Variants in POLA1 observed in about 807,000 individuals in gnomAD.
The protein encoded by POLA1 is DNA polymerase alpha catalytic subunit.
A neutral mutation model predicts 124.0 loss-of-function variants in POLA1; 15 were observed. The observed-to-expected ratio is 0.12, with a 90% CI of 0.08 to 0.19. The LOEUF is 0.19. Ranked by LOEUF, POLA1 falls within the 10% of genes least tolerant of loss-of-function variation. POLA1 has a pLI of 1.00. For missense variants in POLA1, 886 were observed against 1,103.4 expected (o/e 0.80, Z 2.79); for synonymous variants, 408 against 389.4 (o/e 1.05, Z -0.56).
chrX:24,722,950 A>G (rs747353043), intron 10 of POLA1, among the ~76,000 whole-genome samples: 17 of 112,260 alleles, frequency 1.5e-4, no homozygotes, highest in Non-Finnish European at 3.0e-4. Context: ...GTGGTCATAC[A>G]CTGTATCATT....
intron 2 of POLA1, among the ~76,000 whole-genome samples, chrX:24,702,747 T>A (rs773302852): frequency 2.2e-4 from 25 of 112,383 alleles, no homozygotes; most frequent in Non-Finnish European, 4.3e-4. Context: ...TTTTGCTAAT[T>A]TTTGGAAGGG....
intron 26 of POLA1, among the ~76,000 whole-genome samples, chrX:24,763,028 A>G (rs931146223): frequency 5.4e-5 from 6 of 111,452 alleles, no homozygotes; most frequent in Non-Finnish European, 1.1e-4. Flanking sequence ...ATGAGCCACC[A>G]CGCCCGGCCA....
intron 32 of POLA1, among the ~76,000 whole-genome samples, chrX:24,835,873 A>C (rs1480398581): frequency 8.9e-6 from 1 of 112,160 alleles, no homozygotes; most frequent in African/African-American, 3.2e-5. Flanking sequence ...AAATATTTAG[A>C]ATGCAATTTT....
intron 35 of POLA1, among the ~76,000 whole-genome samples, chrX:24,906,117 A>G (rs1429905378): frequency 1.8e-5 from 2 of 112,165 alleles, no homozygotes; most frequent in Admixed American, 9.4e-5. Flanking sequence ...TAAAGAACTA[A>G]AAGTATAATA....
intron 20 of POLA1, among the ~76,000 whole-genome samples, chrX:24,740,637 T>C (rs2148390161): frequency 8.9e-6 from 1 of 111,881 alleles, no homozygotes; most frequent in East Asian, 2.8e-4. Flanking sequence ...CCTTATCTCG[T>C]ACTGCTCTTT....
chrX:24,854,616 C>T (rs750142584), intron 34 of POLA1, among the ~76,000 whole-genome samples: 19 of 110,978 alleles, frequency 1.7e-4, no homozygotes, highest in Non-Finnish European at 3.0e-4. Context: ...GATCACCTCA[C>T]GTCAGGGGTT....
chrX:24,709,238 G>A (rs1276294293), intron 4 of POLA1, among the ~76,000 whole-genome samples: 5 of 100,402 alleles, frequency 5.0e-5, no homozygotes, highest in Admixed American at 2.0e-4. Context: ...TGGCCGGGCG[G>A]GGGGCTGACC....
intron 29 of POLA1, 52 bp downstream of exon 29, chrX:24,812,915 G>C (rs763282761): frequency 1.3e-6 from 1 of 757,092 alleles, no homozygotes; most frequent in Non-Finnish European, 2.0e-6. Flanking sequence ...AAAAATTCAG[G>C]TGTGAATGAT....
intron 36 of POLA1, among the ~76,000 whole-genome samples, chrX:24,978,757 A>C (rs1435037831): frequency 8.9e-6 from 1 of 111,885 alleles, no homozygotes; most frequent in African/African-American, 3.3e-5. Context: ...AAACATAACT[A>C]CTGTGTGCAC....
At chrX:24,977,440 T>TC (rs1205156063) in intron 36 of POLA1, among the ~76,000 whole-genome samples, 1 of 112,024 alleles carries the variant, frequency 8.9e-6, no homozygotes, top group Non-Finnish European at 1.9e-5. Context: ...TTGACCTGTG[T>TC]CCTTTTTTTT....
chrX:24,923,293 G>A (rs935673869), intron 35 of POLA1, among the ~76,000 whole-genome samples: 3 of 111,574 alleles, frequency 2.7e-5, no homozygotes, highest in African/African-American at 6.5e-5. Flanking sequence ...TCATTAGTAT[G>A]TTGTTATTAA....
At chrX:24,930,426 A>G in intron 35 of POLA1, 27 bp from the exon 36 acceptor site, 1 of 924,281 alleles carries the variant, frequency 1.1e-6, no homozygotes, top group Non-Finnish European at 1.6e-6. Context: ...CAGTAGTAGT[A>G]TTCATTTATT....
intron 26 of POLA1, among the ~76,000 whole-genome samples, chrX:24,784,175 C>A (rs2045321366): frequency 9.5e-6 from 1 of 104,892 alleles, no homozygotes; most frequent in Non-Finnish European, 1.9e-5. Context: ...GCCTCAGCTT[C>A]CTGAGTAGCT....
At chrX:24,906,344 G>A (rs2047365704) in intron 35 of POLA1, among the ~76,000 whole-genome samples, 1 of 112,107 alleles carries the variant, frequency 8.9e-6, no homozygotes, top group South Asian at 3.7e-4. Flanking sequence ...ATGAAATAGT[G>A]GCCTTTGTAG....
chrX:24,781,756 A>C (rs1311575513), intron 26 of POLA1, among the ~76,000 whole-genome samples: 1 of 111,724 alleles, frequency 9.0e-6, no homozygotes, highest in East Asian at 2.8e-4. Context: ...TAGGCCTAAA[A>C]ACAAAGCATT....
At chrX:24,875,087 A>G (rs2046913929) in intron 34 of POLA1, among the ~76,000 whole-genome samples, 1 of 111,210 alleles carries the variant, frequency 9.0e-6, no homozygotes, top group African/African-American at 3.3e-5. Context: ...AAACAAATAT[A>G]TGTCAAGCAT....
chrX:24,694,023 C>T lies in POLA1; in HGVS notation c.43+19C>T. On this transcript the variant is annotated intron_variant, in intron 1 of 36. Coordinates refer to ENST00000379068, the MANE Select transcript of POLA1 (RefSeq NM_001330360.2). ...GCGAGTGGTGAGGGACAATTCCGCG[C>T]GCGGGGCTCCGGGTTGGGACAGTGG... is the stretch of plus-strand genomic sequence containing the variant. The T allele has an allele frequency of 2.6e-6, 3 of 1,163,177 alleles. No individual in the cohort carries two copies. The highest frequency in any genetic ancestry group is 3.5e-6 in the Non-Finnish European group (3 of 867,022).
chrX:24,953,994 T>A (rs1213016406), intron 36 of POLA1, among the ~76,000 whole-genome samples: 7 of 111,087 alleles, frequency 6.3e-5, no homozygotes, highest in Non-Finnish European at 9.4e-5. Flanking sequence ...CATTTGTGAG[T>A]TGTGTTGCCC....
intron 36 of POLA1, among the ~76,000 whole-genome samples, chrX:24,964,444 A>G (rs1208768709): frequency 8.8e-6 from 1 of 113,021 alleles, no homozygotes; most frequent in Non-Finnish European, 1.9e-5. Context: ...CTTGAATTGT[A>G]TAAAATGTTA....
Sources: allele counts gnomAD v4.1 joint callset (sites outside exome capture counted in the v4.1 genomes callset), GRCh38; gene constraint gnomAD v4.1.1; transcripts MANE v1.5; gene names NCBI Gene and HGNC (gene_info 2026-07-23, HGNC 2026-07-21).